Variants in SPICE1 observed in about 807,000 individuals in gnomAD.
SPICE1 encodes spindle and centriole-associated protein 1.
Under a neutral mutation model 102.7 loss-of-function variants are expected in SPICE1, and 75 were observed. The observed-to-expected ratio is 0.73, with a 90% confidence interval of 0.61 to 0.88. The LOEUF is 0.88. SPICE1 is among the 40% of genes least tolerant of loss of function. The pLI is 0.00. For missense variants in SPICE1, 979 were observed against 1,020.1 expected, an observed-to-expected ratio of 0.96 and a Z score of 0.55; for synonymous variants, 308 against 350.3, an observed-to-expected ratio of 0.88 and a Z score of 1.35.
chr3:113,453,385 A>G (rs1403807578), intron 14 of SPICE1, 81 bp downstream of exon 14: 1 of 1,499,480 alleles, frequency 6.7e-7, no homozygotes, highest in Non-Finnish European at 8.9e-7. Context: ...CACTTCTGAA[A>G]AGAAGTTTCT....
intron 6 of SPICE1, among the ~76,000 whole-genome samples, chr3:113,492,710 A>G (rs139116811): frequency 1.4e-3 from 209 of 152,302 alleles, no homozygotes; most frequent in East Asian, 0.013. Flanking sequence ...TTCTAGTCCC[A>G]TTTAACAAAA....
intron 7 of SPICE1, among the ~76,000 whole-genome samples, chr3:113,487,522 GT>G (rs1254389892): frequency 5.1e-4 from 77 of 152,216 alleles, no homozygotes; most frequent in Non-Finnish European, 8.8e-5. Context: ...TTAGAGCTTG[GT>G]TTTTAAATAC....
rs554852811 is a variant in SPICE1 at position 113,472,951 on chromosome 3, G to C, written c.612-3713C>G. ...GCTGGAAAGAAAATGACTTTGACGA[G>C]TTGAGAGAAGAAGGCTTCAGACGAT... On this transcript the variant is annotated intron_variant, in intron 7 of 17. Coordinates refer to ENST00000295872, the MANE Select transcript of SPICE1 (RefSeq NM_144718.4). Among the ~76,000 whole-genome samples, 3 of 152,312 alleles carry C rather than the reference G, an allele frequency of 2.0e-5. No homozygotes were observed. In the South Asian group the frequency reaches 6.2e-4, roughly 32 times the overall value.
intron 4 of SPICE1, among the ~76,000 whole-genome samples, chr3:113,494,646 C>CA (rs35761157): frequency 0.25 from 26,783 of 108,164 alleles, 2,532 homozygotes; most frequent in Middle Eastern, 0.36. Context: ...GACTCCGTCT[C>CA]AAAAAAAAAA....
At chr3:113,480,666 T>C (rs992501378) in intron 7 of SPICE1, among the ~76,000 whole-genome samples, 2 of 152,004 alleles carry the variant, frequency 1.3e-5, no homozygotes, top group African/African-American at 4.8e-5. Context: ...TATTACTGAT[T>C]AAAATAAAAC....
At chr3:113,458,149 CAAT>C (rs1405834345) in intron 12 of SPICE1, among the ~76,000 whole-genome samples, 11 of 151,256 alleles carry the variant, frequency 7.3e-5, no homozygotes, top group African/African-American at 2.7e-4. Context: ...CAAGAATTAA[CAAT>C]AATTCTGGCT....
At chr3:113,460,066 T>G (rs1350521925) in intron 12 of SPICE1, 1 of 985,154 alleles carries the variant, frequency 1.0e-6, no homozygotes. Context: ...TACTTAAAAG[T>G]AAAACACATG....
intron 11 of SPICE1, 37 bp from the exon 12 acceptor site, chr3:113,460,801 T>C (rs1454411341): frequency 6.5e-7 from 1 of 1,540,698 alleles, no homozygotes; most frequent in Admixed American, 2.1e-5. Flanking sequence ...ATTATTAGCA[T>C]ATCAAACATC....
In SPICE1 at chr3:113,459,554, T is replaced by C. The variant is rs374848353; in HGVS notation, c.1435+1063A>G. ...CAGTAGTGAAGCTTAATTCAGATAA[T>C]AGTAAAACACTAACATATTCCTTGA... On this transcript the variant is annotated intron_variant, in intron 12 of 17. Transcript: ENST00000295872. The C allele has an allele frequency of 3.0e-5, 30 of 985,390 alleles. No individual in the cohort carries two copies. The East Asian group carries it at 1.9e-3, about 63-fold the overall frequency. 61.0% of individuals were successfully genotyped at this position (985,390 alleles called of 1,614,324 possible). A position where few individuals can be genotyped will look rare whatever the true frequency, so the allele number is the denominator to read the frequency against.
chr3:113,474,468 A>T (rs2107472359), intron 7 of SPICE1, among the ~76,000 whole-genome samples: 1 of 152,324 alleles, frequency 6.6e-6, no homozygotes, highest in Non-Finnish European at 1.5e-5. Context: ...TCTCCACCCC[A>T]AATCAACAGA....
chr3:113,474,858 C>A (rs947267112), intron 7 of SPICE1, among the ~76,000 whole-genome samples: 1 of 151,994 alleles, frequency 6.6e-6, no homozygotes, highest in Non-Finnish European at 1.5e-5. Context: ...AATTGACACC[C>A]TAACATCACA....
At chr3:113,469,916 C>G (rs896849984) in intron 7 of SPICE1, among the ~76,000 whole-genome samples, 1 of 152,164 alleles carries the variant, frequency 6.6e-6, no homozygotes, top group African/African-American at 2.4e-5. Context: ...GTCCACAGAG[C>G]AGCCAGTCTC....
At chr3:113,456,706 A>C (rs1442323036) in intron 13 of SPICE1, among the ~76,000 whole-genome samples, 1 of 152,256 alleles carries the variant, frequency 6.6e-6, no homozygotes, top group Non-Finnish European at 1.5e-5. Context: ...TTGATGAGAA[A>C]GAGGTGAATA....
chr3:113,481,657 AAC>A (rs1455508606), intron 7 of SPICE1, among the ~76,000 whole-genome samples: 1 of 151,836 alleles, frequency 6.6e-6, no homozygotes, highest in Non-Finnish European at 1.5e-5. Context: ...TATGAGTAAG[AAC>A]ACACAGTGTT....
chr3:113,450,065 T>C (rs1396925171), intron 15 of SPICE1: 4 of 460,994 alleles, frequency 8.7e-6, no homozygotes, highest in African/African-American at 1.9e-5. Context: ...CCGTACACTA[T>C]AATGAATCCC....
At chr3:113,468,696 A>C in intron 9 of SPICE1, 66 bp downstream of exon 9, 4 of 1,506,416 alleles carry the variant, frequency 2.7e-6, no homozygotes, top group Non-Finnish European at 3.6e-6. Flanking sequence ...ACATTGACTA[A>C]GAGATTAAGA....
chr3:113,453,966 T>TA lies in SPICE1; in HGVS notation c.1658-17dup, dbSNP rs1362148744. 1.3e-6 allele frequency: 2 copies of TA among 1,563,332 alleles called. No homozygotes were observed. The highest frequency in any genetic ancestry group is 2.4e-5 in the South Asian group (2 of 83,044). Reference sequence around the variant, plus strand: ...CTTCTCAATACTATAGATAAGAATTTAAAAATAACAAATATGTATTATTTT... The same window carrying TA: ...CTTCTCAATACTATAGATAAGAATTTAAAAAATAACAAATATGTATTATTTT... On this transcript the variant is annotated splice_polypyrimidine_tract_variant and intron_variant, in intron 13 of 17. Coordinates refer to ENST00000295872, the MANE Select transcript of SPICE1 (RefSeq NM_144718.4).
At chr3:113,502,101 C>T (rs916158604) in intron 3 of SPICE1, among the ~76,000 whole-genome samples, 3 of 152,132 alleles carry the variant, frequency 2.0e-5, no homozygotes, top group East Asian at 1.9e-4. Context: ...ATGAGCTGGG[C>T]GTGGTGGCTC....
chr3:113,494,674 T>C (rs1936842227), intron 4 of SPICE1, among the ~76,000 whole-genome samples: 1 of 151,746 alleles, frequency 6.6e-6, no homozygotes, highest in South Asian at 2.1e-4. Flanking sequence ...ATATTCACAA[T>C]TGTGACCCAC....
Sources: allele counts gnomAD v4.1 joint callset (sites outside exome capture counted in the v4.1 genomes callset), GRCh38; gene constraint gnomAD v4.1.1; transcripts MANE v1.5; gene names NCBI Gene and HGNC (gene_info 2026-07-23, HGNC 2026-07-21).